The following CORO6 variants were observed in gnomAD, a reference collection of about 807,000 sequenced individuals.
The protein encoded by CORO6 is coronin 6.
Under a neutral mutation model 49.0 loss-of-function variants are expected in CORO6, and 43 were observed. The ratio of observed to expected loss-of-function variants is 0.88; its 90% confidence interval spans 0.69 to 1.13. CORO6 has a LOEUF of 1.13. Ranked by LOEUF, CORO6 falls within the 50% of genes most tolerant of loss-of-function variation. CORO6 has a pLI of 0.00. For missense variants in CORO6, 650 were observed against 647.0 expected, an observed-to-expected ratio of 1.00 and a Z score of -0.05; for synonymous variants, 233 against 256.5, an observed-to-expected ratio of 0.91 and a Z score of 0.88.
chr17:29,618,773 C>A lies in CORO6; in HGVS notation c.633+17G>T. 3 of 1,611,168 alleles carry A rather than the reference C, an allele frequency of 1.9e-6. No homozygotes were observed. Among genetic ancestry groups the A allele is most frequent in the Non-Finnish European group, 1.7e-6 (2 of 1,178,850 alleles). ...CTGGTCAAGGGGTTCTGGGGAGTGGCCAGGCCAGGCACTCACCGCCACCAC... is the reference window on the plus strand; with the variant it reads ...CTGGTCAAGGGGTTCTGGGGAGTGGACAGGCCAGGCACTCACCGCCACCAC... On this transcript the variant is annotated intron_variant, in intron 5 of 10. Coordinates refer to ENST00000388767, the MANE Select transcript of CORO6 (RefSeq NM_032854.4).
At chr17:29,618,756 G>T in intron 5 of CORO6, 34 bp downstream of exon 5, 1 of 1,606,176 alleles carries the variant, frequency 6.2e-7, no homozygotes. Flanking sequence ...CACTGGTCAA[G>T]GGGTTCTGGG....
chr17:29,617,646 A>ACAT (rs774034604), intron 5 of CORO6, 27 bp from the exon 6 acceptor site: 2 of 1,565,200 alleles, frequency 1.3e-6, no homozygotes, highest in East Asian at 4.6e-5. Context: ...ACAGGGAGGG[A>ACAT]CATCACCCAG....
Position 29,615,966 on chromosome 17 carries a change from C to T in CORO6, c.1272G>A (p.Ser424=). The T allele has an allele frequency of 1.3e-6, 2 of 1,584,950 alleles. No individual in the cohort carries two copies. Among genetic ancestry groups the T allele is most frequent in the Non-Finnish European group, 1.7e-6 (2 of 1,164,396 alleles). ...TTACCGACAAGGGGGCGTCGCTGGC[C>T]GACTGGCTGCGGCGGGGGCCGGAGG... ...RPPSGPRRSQ[S]ASDAPLSQQH... Residue 424 remains serine (S), a synonymous_variant, in exon 10 of 11, where the codon TCG becomes TCA. Transcript: ENST00000388767.
At chr17:29,617,794 C>T in intron 5 of CORO6, 175 bp from the exon 6 acceptor site, 1 of 763,376 alleles carries the variant, frequency 1.3e-6, no homozygotes, top group Non-Finnish European at 2.0e-6. Flanking sequence ...TGGCCCCTGA[C>T]CTGGAGAGCA....
intron 5 of CORO6, chr17:29,618,579 G>A: frequency 2.9e-6 from 4 of 1,394,332 alleles, no homozygotes; most frequent in Non-Finnish European, 3.7e-6. Flanking sequence ...GGGAGGGGAG[G>A]GAACAGGAGC....
chr17:29,615,699 C>T lies in CORO6; in HGVS notation c.*33G>A, dbSNP rs1453249557. 1 of 1,469,850 alleles carries T rather than the reference C, an allele frequency of 6.8e-7. No individual in the cohort carries two copies. The highest frequency in any genetic ancestry group is 9.0e-7 in the Non-Finnish European group (1 of 1,114,738). The allele number at this position is 1,469,850 out of a possible 1,614,324, so 91.1% of individuals were successfully genotyped here. A position where few individuals can be genotyped will look rare whatever the true frequency, so the allele number is the denominator to read the frequency against. On this transcript the variant is annotated 3_prime_UTR_variant, in exon 11 of 11. Coordinates refer to ENST00000388767, the MANE Select transcript of CORO6 (RefSeq NM_032854.4). Reference sequence around the variant, plus strand: ...GCCGGGGCGGGGCCGAGCTTGTGCGCCCCGCCCCGCTCCGCCTGCCTGGCG... The same window carrying T: ...GCCGGGGCGGGGCCGAGCTTGTGCGTCCCGCCCCGCTCCGCCTGCCTGGCG...
intron 3 of CORO6, 107 bp from the exon 4 acceptor site, chr17:29,619,296 GGGTCAAATA>G (rs2035185050): frequency 1.7e-5 from 24 of 1,374,022 alleles, no homozygotes; most frequent in Non-Finnish European, 2.4e-5. Flanking sequence ...TGAGTGGTAA[GGGTCAAATA>G]CAGGGCAAGA....
intron 3 of CORO6, 138 bp from the exon 4 acceptor site, chr17:29,619,327 A>G (rs972184711): frequency 1.8e-6 from 2 of 1,100,816 alleles, no homozygotes; most frequent in Non-Finnish European, 1.3e-6. Context: ...GTGGTGGTGC[A>G]TGCCTAGAAC....
chr17:29,622,059 T>C (rs1293646396), intron 1 of CORO6: 1 of 155,230 alleles, frequency 6.4e-6, no homozygotes, highest in Non-Finnish European at 1.4e-5. Context: ...TCCCATGCCT[T>C]GTGGGGGGAC....
intron 5 of CORO6, chr17:29,618,487 T>C: frequency 6.9e-6 from 9 of 1,305,414 alleles, no homozygotes; most frequent in Non-Finnish European, 8.8e-6. Flanking sequence ...TCATGCAGGT[T>C]CTGGTGGGAG....
chr17:29,618,276 T>G (rs1435977944), intron 5 of CORO6: 7 of 1,307,278 alleles, frequency 5.4e-6, no homozygotes, highest in Non-Finnish European at 6.8e-6. Flanking sequence ...CACCCCAGGT[T>G]AGACTTGAGG....
rs953083498 is a variant in CORO6 at position 29,617,050 on chromosome 17, A to G, written c.754-8T>C. On this transcript the variant is annotated splice_region_variant and splice_polypyrimidine_tract_variant and intron_variant, in intron 6 of 10. Transcript: ENST00000388767. Reference sequence around the variant, plus strand: ...TGGCTCCTCGAAGTTGTTCTGCCCGAGCACAGGAGGCGTGACCAGCCCTGC... The same window carrying G: ...TGGCTCCTCGAAGTTGTTCTGCCCGGGCACAGGAGGCGTGACCAGCCCTGC... 68 of 1,612,852 alleles carry G rather than the reference A, an allele frequency of 4.2e-5. No individual in the cohort carries two copies. The highest frequency in any genetic ancestry group is 5.7e-5 in the Non-Finnish European group (67 of 1,179,800).
chr17:29,617,487 C>A lies in CORO6; in HGVS notation c.753+13G>T, dbSNP rs2035035228. 1 of 1,603,304 alleles carries A rather than the reference C, an allele frequency of 6.2e-7. No individual in the cohort carries two copies. Among genetic ancestry groups the A allele is most frequent in the East Asian group, 2.2e-5 (1 of 44,848 alleles). ...TCCCCGAGGCACACACCCCAAGCCTCCAGCTGCGTTACCGGGTCCCACAGG... is the reference window on the plus strand; with the variant it reads ...TCCCCGAGGCACACACCCCAAGCCTACAGCTGCGTTACCGGGTCCCACAGG... On this transcript the variant is annotated intron_variant, in intron 6 of 10. Transcript: ENST00000388767.
Position 29,621,328 on chromosome 17 carries a change from T to C in CORO6, c.94A>G (p.Lys32Glu), listed in dbSNP as rs1470169951. 8.1e-6 allele frequency: 13 copies of C among 1,614,070 alleles called. No homozygotes were observed. Among genetic ancestry groups the C allele is most frequent in the Non-Finnish European group, 1.0e-5 (12 of 1,180,038 alleles). The change falls in exon 2 of 11, where the codon AAG becomes GAG. Residue 32 changes from lysine (K) to glutamate (E), a missense_variant. Transcript: ENST00000388767. This position sits in a 1 kb window ranked among gnomAD's most constrained non-coding sequence, Gnocchi z 4.2. Reference sequence around the variant, plus strand: ...CAGAAGGAGCTGTCCCATGTGACCTTGGACACACGGATGTCCTCGTAGGCC... The same window carrying C: ...CAGAAGGAGCTGTCCCATGTGACCTCGGACACACGGATGTCCTCGTAGGCC... ...DQAYEDIRVSKVTWDSSFCAV... is the reference protein window; with the variant it reads ...DQAYEDIRVSEVTWDSSFCAV...
chr17:29,617,961 T>A, intron 5 of CORO6: 1 of 1,180,036 alleles, frequency 8.5e-7, no homozygotes, highest in Non-Finnish European at 1.1e-6. Context: ...CGCTCTGGCC[T>A]CTTGGGCGCC....
In CORO6 at chr17:29,616,313, T is replaced by C. The variant is rs746890219; in HGVS notation, c.1028A>G (p.Lys343Arg). ...CACAGTCATGATGATAGGTTCACAC[T>C]TTCTTTCGTGTAGCTTGTAGAACCT... Reference protein sequence around the residue: ...IARFYKLHERKCEPIIMTVPR... With the variant: ...IARFYKLHERRCEPIIMTVPR... Residue 343 changes from lysine (K) to arginine (R), a missense_variant, in exon 9 of 11, where the codon AAG becomes AGG. Lys to Arg is a conservative substitution (Grantham distance 26). Coordinates refer to ENST00000388767, the MANE Select transcript of CORO6 (RefSeq NM_032854.4). This position sits in a 1 kb window ranked among gnomAD's most constrained non-coding sequence, Gnocchi z 5.6. The C allele has an allele frequency of 4.3e-6, 7 of 1,609,624 alleles. No homozygotes were observed. In the East Asian group the frequency reaches 1.6e-4, roughly 36 times the overall value.
Position 29,615,526 on chromosome 17 carries a change from C to T in CORO6, c.*206G>A. 1 of 567,208 alleles carries T rather than the reference C, an allele frequency of 1.8e-6. No homozygotes were observed. The highest frequency in any genetic ancestry group is 2.5e-5 in the South Asian group (1 of 39,330). The allele number at this position is 567,208 out of a possible 1,614,324, so 35.1% of individuals were successfully genotyped here. On this transcript the variant is annotated 3_prime_UTR_variant, in exon 11 of 11. Coordinates refer to ENST00000388767, the MANE Select transcript of CORO6 (RefSeq NM_032854.4). ...AGGCCAGCTCCAGCCGAGTCCCAGA[C>T]GAGGCTCGCAGTCCAGCCTCCGCTG...
At chr17:29,618,706 G>T in intron 5 of CORO6, 84 bp downstream of exon 5, 5 of 1,499,212 alleles carry the variant, frequency 3.3e-6, no homozygotes, top group East Asian at 2.4e-5. Flanking sequence ...CGGGACCAGG[G>T]GCTCTGATAA....
At position 29,618,779 on chromosome 17, in the gene CORO6, C is replaced by G; in HGVS notation, c.633+11G>C. On this transcript the variant is annotated intron_variant, in intron 5 of 10. Coordinates refer to ENST00000388767, the MANE Select transcript of CORO6 (RefSeq NM_032854.4). ...AAGGGGTTCTGGGGAGTGGCCAGGCCAGGCACTCACCGCCACCACTTGGCC... is the reference window on the plus strand; with the variant it reads ...AAGGGGTTCTGGGGAGTGGCCAGGCGAGGCACTCACCGCCACCACTTGGCC... 5 of 1,612,266 alleles carry G rather than the reference C, an allele frequency of 3.1e-6. No homozygotes were observed. The highest frequency in any genetic ancestry group is 4.2e-6 in the Non-Finnish European group (5 of 1,179,370).
Sources: gnomAD v4.1 joint callset for allele counts on GRCh38, gnomAD v4.1.1 for gene constraint, Gnocchi (gnomAD v3.1) non-coding constraint, MANE v1.5 for transcripts, NCBI Gene and HGNC (gene_info 2026-07-23, HGNC 2026-07-21) for gene names.